UNC13C: variants seen among roughly 807,000 people sequenced by gnomAD.
The protein encoded by UNC13C is unc-13 homolog C.
A neutral mutation model predicts 245.4 loss-of-function variants in UNC13C; 174 were observed. The observed-to-expected ratio is 0.71, with a 90% CI of 0.63 to 0.80. The LOEUF (loss-of-function observed/expected upper bound fraction) is 0.80. Ranked by LOEUF, UNC13C falls within the 30% of genes least tolerant of loss-of-function variation. The pLI is 0.00. For synonymous variants in UNC13C, 992 were observed against 895.1 expected, an observed-to-expected ratio of 1.11 and a Z score of -1.93; for missense variants, 2,829 against 2,602.9, an observed-to-expected ratio of 1.09 and a Z score of -1.89.
intron 26 of UNC13C, among the ~76,000 whole-genome samples, 195 bp from the exon 27 acceptor site, chr15:54,546,527 G>C (rs1271881973): frequency 6.6e-6 from 1 of 152,082 alleles, no homozygotes; most frequent in Middle Eastern, 3.2e-3. Flanking sequence ...CGTAAGAAAA[G>C]AAGTATGCTG....
In UNC13C at chr15:53,978,875, G is replaced by A. The variant is rs1893808629; in HGVS notation, c.-309G>A. ...AAAACACATACACTCCAAAAGGAGG[G>A]GAAGAACAACCCAGTTGGCGTGCAC... On this transcript the variant is annotated 5_prime_UTR_variant, in exon 1 of 33. Transcript: ENST00000260323. Among the ~76,000 whole-genome samples the A allele has an allele frequency of 6.6e-6, 1 of 152,188 alleles. No individual in the cohort carries two copies. The highest frequency in any genetic ancestry group is 2.1e-4 in the South Asian group (1 of 4,830).
the UNC13C span, among the ~76,000 whole-genome samples, chr15:53,874,011 C>T: frequency 6.7e-6 from 1 of 149,934 alleles, no homozygotes; most frequent in Non-Finnish European, 1.5e-5. Flanking sequence ...GGGTCTTACT[C>T]TGTTGCTCAG....
chr15:54,524,674 A>C (rs1278393163), intron 24 of UNC13C, among the ~76,000 whole-genome samples: 1 of 152,106 alleles, frequency 6.6e-6, no homozygotes. Flanking sequence ...CCAGGAGTTT[A>C]AACTGATATT....
the UNC13C span, among the ~76,000 whole-genome samples, chr15:53,956,875 AGTGTGTGT>A: frequency 2.8e-4 from 39 of 139,812 alleles, no homozygotes; most frequent in East Asian, 5.8e-3. Flanking sequence ...GTTAAGCTCA[AGTGTGTGT>A]GTGTGTGTGT....
At chr15:54,481,122 T>C (rs1053191132) in intron 19 of UNC13C, among the ~76,000 whole-genome samples, 2 of 152,208 alleles carry the variant, frequency 1.3e-5, no homozygotes, top group African/African-American at 4.8e-5. Context: ...GTAATCAGTA[T>C]CATTAATGTC....
intron 2 of UNC13C, among the ~76,000 whole-genome samples, chr15:54,108,647 C>T (rs1900586224): frequency 6.6e-6 from 1 of 152,116 alleles, no homozygotes; most frequent in Non-Finnish European, 1.5e-5. Context: ...ATAGATTTAC[C>T]TCCAGTGCTA....
intron 4 of UNC13C, among the ~76,000 whole-genome samples, chr15:54,204,445 A>G (rs1158473792): frequency 6.6e-6 from 1 of 151,922 alleles, no homozygotes; most frequent in Non-Finnish European, 1.5e-5. Flanking sequence ...TGTGGTTGAT[A>G]TTTATGCCAT....
upstream of UNC13C, among the ~76,000 whole-genome samples, chr15:53,976,475 CTCT>C (rs1354743729): frequency 9.4e-5 from 6 of 63,734 alleles, no homozygotes; most frequent in African/African-American, 2.9e-4. Context: ...CTCTCTCTCT[CTCT>C]TTTTTTTTTT....
intron 2 of UNC13C, among the ~76,000 whole-genome samples, chr15:54,016,290 A>G (rs8035080): frequency 0.76 from 115,291 of 152,080 alleles, 43,775 homozygotes; most frequent in East Asian, 0.81. Context: ...GGGATGGAGA[A>G]AAAGGTGTAA....
intron 2 of UNC13C, among the ~76,000 whole-genome samples, chr15:54,076,063 C>CTTTTT (rs369248247): frequency 8.0e-6 from 1 of 124,876 alleles, no homozygotes; most frequent in Non-Finnish European, 1.6e-5. Context: ...CACTTAGATT[C>CTTTTT]TTTTTTTTTT....
At chr15:54,261,469 T>G (rs1401007410) in intron 8 of UNC13C, among the ~76,000 whole-genome samples, 2 of 152,246 alleles carry the variant, frequency 1.3e-5, no homozygotes, top group African/African-American at 4.8e-5. Flanking sequence ...CTAAACAATC[T>G]AAGATGAATA....
intron 4 of UNC13C, among the ~76,000 whole-genome samples, chr15:54,219,488 T>TA (rs2035151987): frequency 1.3e-5 from 2 of 151,212 alleles, no homozygotes; most frequent in Non-Finnish European, 1.5e-5. Context: ...CCTAAAACCA[T>TA]AAAAACCCTA....
chr15:54,264,011 C>A, intron 8 of UNC13C, 157 bp from the exon 9 acceptor site: 1 of 659,068 alleles, frequency 1.5e-6, no homozygotes, highest in Non-Finnish European at 2.6e-6. Context: ...TGAATCTCAG[C>A]ATAGCAGTTC....
At chr15:54,285,641 G>A (rs2037125192) in intron 10 of UNC13C, among the ~76,000 whole-genome samples, 1 of 152,130 alleles carries the variant, frequency 6.6e-6, no homozygotes, top group Non-Finnish European at 1.5e-5. Flanking sequence ...TTTCTCAACT[G>A]ATGCCCTGCC....
intron 24 of UNC13C, among the ~76,000 whole-genome samples, chr15:54,515,503 T>C (rs1894930682): frequency 6.6e-6 from 1 of 152,220 alleles, no homozygotes; most frequent in Non-Finnish European, 1.5e-5. Context: ...AAAGGACTTA[T>C]CATTAATTTG....
Position 54,125,099 on chromosome 15 carries a change from G to A in UNC13C, c.2984-17919G>A, listed in dbSNP as rs147494027. Among the ~76,000 whole-genome samples the A allele has an allele frequency of 2.2e-3, 328 of 152,280 alleles. 4 individuals carry two copies. In the East Asian group the frequency reaches 0.031, roughly 14 times the overall value. On this transcript the variant is annotated intron_variant, in intron 2 of 32. Coordinates refer to ENST00000260323, the MANE Select transcript of UNC13C (RefSeq NM_001080534.3). ...TCCCATTTTATTCTTTTCTATCAGA[G>A]TTGTTTTTAGCTATTGTAGTTCCCT...
At chr15:54,172,943 T>G (rs1199535095) in intron 4 of UNC13C, among the ~76,000 whole-genome samples, 1 of 151,264 alleles carries the variant, frequency 6.6e-6, no homozygotes, top group East Asian at 1.9e-4. Flanking sequence ...GATTTACTTT[T>G]GCTTATATGA....
chr15:54,618,448 G>A (rs982434377), intron 30 of UNC13C, among the ~76,000 whole-genome samples: 4 of 152,222 alleles, frequency 2.6e-5, no homozygotes, highest in African/African-American at 9.6e-5. Flanking sequence ...TTTCTGAATT[G>A]CTCACTAAAA....
At chr15:54,258,240 C>T (rs2036331459) in intron 8 of UNC13C, among the ~76,000 whole-genome samples, 1 of 152,114 alleles carries the variant, frequency 6.6e-6, no homozygotes. Flanking sequence ...CCTTGGCCCT[C>T]ATCTAGCAAA....
Sources: allele counts gnomAD v4.1 joint callset (sites outside exome capture counted in the v4.1 genomes callset), GRCh38; gene constraint gnomAD v4.1.1; transcripts MANE v1.5; gene names NCBI Gene and HGNC (gene_info 2026-07-23, HGNC 2026-07-21).